The following PLPPR2 variants were observed in gnomAD, a reference collection of about 807,000 sequenced individuals.
The protein encoded by PLPPR2 is phospholipid phosphatase-related protein type 2.
A neutral mutation model predicts 40.3 loss-of-function variants in PLPPR2; 11 were observed. The ratio of observed to expected loss-of-function variants is 0.27; its 90% CI spans 0.17 to 0.45. The LOEUF (loss-of-function observed/expected upper bound fraction) is 0.45. Ranked by LOEUF, PLPPR2 falls within the 20% of genes least tolerant of loss-of-function variation. The pLI, the probability that PLPPR2 is intolerant of heterozygous loss-of-function variation, is 1.00. For synonymous variants in PLPPR2, 260 were observed against 290.8 expected (o/e 0.89, Z 1.08); for missense variants, 497 against 640.7 (o/e 0.78, Z 2.42).
rs750147684 is a variant in PLPPR2 at position 11,364,166 on chromosome 19, C to T, written c.969C>T (p.Pro323=). 10 of 1,611,376 alleles carry T rather than the reference C, an allele frequency of 6.2e-6. No individual in the cohort carries two copies. The highest frequency in any genetic ancestry group is 2.7e-5 in the African/African-American group (2 of 74,862). Residue 323 remains proline (P), a synonymous_variant, in exon 9 of 10, where the codon CCC becomes CCT. Transcript: ENST00000688289. The surrounding 1 kb of genome is among the most constrained non-coding windows in gnomAD (Gnocchi z 5.8). ...PLEKLSVAQE[P]EVCRPHSTPA... Reference sequence around the variant, plus strand: ...CGTCTGTCTCTTTGTCTCAGGAACCCGAGGTCTGCAGGCCGCATTCGACAC... The same window carrying T: ...CGTCTGTCTCTTTGTCTCAGGAACCTGAGGTCTGCAGGCCGCATTCGACAC...
chr19:11,358,807 C>T (rs752674727), intron 3 of PLPPR2, among the ~76,000 whole-genome samples: 14 of 149,344 alleles, frequency 9.4e-5, no homozygotes, highest in Non-Finnish European at 1.5e-4. Context: ...CTCCGCCTCC[C>T]GGGTTCAAGT....
chr19:11,359,447 G>A lies in PLPPR2; in HGVS notation c.67-85G>A, dbSNP rs1413179929. On this transcript the variant is annotated intron_variant, in intron 3 of 9. Transcript: ENST00000688289. This position sits in a 1 kb window ranked among gnomAD's most constrained non-coding sequence, Gnocchi z 5.6. Reference sequence around the variant, plus strand: ...CTCTAACCCATGTTTCTCCATCTCTGTATCTCTGCCTCTGTGGCCTCAGCT... The same window carrying A: ...CTCTAACCCATGTTTCTCCATCTCTATATCTCTGCCTCTGTGGCCTCAGCT... The A allele has an allele frequency of 1.6e-6, 2 of 1,283,052 alleles. No homozygotes were observed. Among genetic ancestry groups the A allele is most frequent in the African/African-American group, 3.0e-5 (2 of 66,122 alleles). 79.5% of individuals were successfully genotyped at this position (1,283,052 alleles called of 1,614,324 possible).
At chr19:11,355,683 G>GGCGGGGGAGGGGAGGC (rs1967843980) in intron 1 of PLPPR2, 111 bp downstream of exon 1, 1 of 152,280 alleles carries the variant, frequency 6.6e-6, no homozygotes, top group African/African-American at 2.4e-5. Flanking sequence ...CGCGGGGAGG[G>GGCGGGGGAGGGGAGGC]GCGGGGGAGG....
Position 11,356,800 on chromosome 19 carries a change from AGAGT to A in PLPPR2, c.-185_-182del. On this transcript the variant is annotated splice_acceptor_variant and 5_prime_UTR_variant, in exon 2 of 10. Transcript: ENST00000688289. LOFTEE classifies it low-confidence loss of function (5UTR_SPLICE). The stretch of plus-strand genomic sequence containing the variant: ...CAACCATCACCCCATATCACACTGC[AGAGT>A]GAGTGTCGTGGTTGGGGTGCTGGAC... The A allele has an allele frequency of 6.5e-6, 1 of 153,056 alleles. No homozygotes were observed. The highest frequency in any genetic ancestry group is 2.1e-4 in the South Asian group (1 of 4,864). The allele number at this position is 153,056 out of a possible 1,614,324, so 9.5% of individuals were successfully genotyped here.
At chr19:11,356,623 G>A (rs574584489) in intron 1 of PLPPR2, among the ~76,000 whole-genome samples, 179 bp from the exon 2 acceptor site, 2 of 151,540 alleles carry the variant, frequency 1.3e-5, no homozygotes, top group South Asian at 2.1e-4. Flanking sequence ...GTCGGCAGGT[G>A]CTCGGTCTTC....
chr19:11,363,860 C>G lies in PLPPR2; in HGVS notation c.963+25C>G. ...GGTAAGGGGGGCCGGGGGCTGCTCC[C>G]GGCTGGAGAGGGTGGTGGGTGGAGG... On this transcript the variant is annotated intron_variant, in intron 8 of 9. Coordinates refer to ENST00000688289, the MANE Select transcript of PLPPR2 (RefSeq NM_001393892.1). The surrounding 1 kb of genome is among the most constrained non-coding windows in gnomAD (Gnocchi z 4.8). 1 of 1,606,586 alleles carries G rather than the reference C, an allele frequency of 6.2e-7. No individual in the cohort carries two copies. Among genetic ancestry groups the G allele is most frequent in the Non-Finnish European group, 8.5e-7 (1 of 1,175,788 alleles).
rs533905629 is a variant in PLPPR2 at position 11,363,069 on chromosome 19, G to A, written c.840+380G>A. 4.6e-5 allele frequency among the ~76,000 whole-genome samples: 7 copies of A among 152,256 alleles called. No homozygotes were observed. The East Asian group carries it at 9.6e-4, about 21-fold the overall frequency. On this transcript the variant is annotated intron_variant, in intron 7 of 9. Coordinates refer to ENST00000688289, the MANE Select transcript of PLPPR2 (RefSeq NM_001393892.1). The surrounding 1 kb of genome is among the most constrained non-coding windows in gnomAD (Gnocchi z 4.8). ...AGCACTTTGGGAAGCTGAGGCAGGC[G>A]GATCACTTGAGGCCAAGAGTTCGAG...
In PLPPR2 at chr19:11,362,903, C is replaced by T. The variant is rs1179321086; in HGVS notation, c.840+214C>T. ...ATGCAAATTTTAAGAGGGTGCCCAA[C>T]ACTCAGTAATCAAGATTAATATTTT... On this transcript the variant is annotated intron_variant, in intron 7 of 9. Coordinates refer to ENST00000688289, the MANE Select transcript of PLPPR2 (RefSeq NM_001393892.1). The surrounding 1 kb of genome is among the most constrained non-coding windows in gnomAD (Gnocchi z 5.3). Among the ~76,000 whole-genome samples the T allele has an allele frequency of 3.3e-5, 5 of 152,226 alleles. No individual in the cohort carries two copies. The highest frequency in any genetic ancestry group is 5.9e-5 in the Non-Finnish European group (4 of 68,038).
intron 1 of PLPPR2, among the ~76,000 whole-genome samples, chr19:11,356,317 C>T (rs184683890): frequency 1.3e-5 from 2 of 151,940 alleles, no homozygotes; most frequent in African/African-American, 4.8e-5. Flanking sequence ...CCATTGTGTG[C>T]GGTGACTCTT....
In PLPPR2 at chr19:11,364,895, A is replaced by G; in HGVS notation, c.*205A>G. On this transcript the variant is annotated 3_prime_UTR_variant, in exon 10 of 10. Transcript: ENST00000688289. This position sits in a 1 kb window ranked among gnomAD's most constrained non-coding sequence, Gnocchi z 5.8. Reference sequence around the variant, plus strand: ...CGATGGGCACAAATGGAAGGTGCGCACTTGCCCCTACTATTGCCCTTTTAA... The same window carrying G: ...CGATGGGCACAAATGGAAGGTGCGCGCTTGCCCCTACTATTGCCCTTTTAA... 3.2e-6 allele frequency: 2 copies of G among 628,752 alleles called. No homozygotes were observed. The highest frequency in any genetic ancestry group is 2.7e-6 in the Non-Finnish European group (1 of 366,784). 38.9% of individuals were successfully genotyped at this position (628,752 alleles called of 1,614,324 possible).
rs118107242 is a variant in PLPPR2, at chr19:11,362,620, C to T, written c.771C>T (p.Ala257=). Residue 257 remains alanine, a synonymous_variant, in exon 7 of 10, where the codon GCC becomes GCT. Coordinates refer to ENST00000688289, the MANE Select transcript of PLPPR2 (RefSeq NM_001393892.1). This position sits in a 1 kb window ranked among gnomAD's most constrained non-coding sequence, Gnocchi z 5.3. ...PAFLVGVVRV[A]EYRNHWSDVL... is the part of the protein sequence containing the mutation. ...TCCTGGTGGGCGTGGTCCGCGTGGC[C>T]GAGTACCGAAACCACTGGTCGGACG... 4.9e-4 allele frequency: 791 copies of T among 1,613,826 alleles called. 4 individuals carry two copies. In the East Asian group the frequency reaches 0.016, roughly 33 times the overall value.
chr19:11,358,702 C>T (rs1158533609), intron 3 of PLPPR2, among the ~76,000 whole-genome samples: 2 of 145,174 alleles, frequency 1.4e-5, no homozygotes, highest in African/African-American at 2.6e-5. Context: ...TTCTTTCTTT[C>T]CCTCCCTCCC....
intron 2 of PLPPR2, 172 bp from the exon 3 acceptor site, chr19:11,357,488 T>C: frequency 2.1e-6 from 1 of 481,640 alleles, no homozygotes; most frequent in Non-Finnish European, 3.7e-6. Context: ...GGGCAGGACC[T>C]GGATTGCAGA....
chr19:11,363,963 T>G lies in PLPPR2; in HGVS notation c.963+128T>G. 1 of 1,354,294 alleles carries G rather than the reference T, an allele frequency of 7.4e-7. No homozygotes were observed. Among genetic ancestry groups the G allele is most frequent in the Non-Finnish European group, 1.0e-6 (1 of 1,000,680 alleles). 83.9% of individuals were successfully genotyped at this position (1,354,294 alleles called of 1,614,324 possible). ...TGGGGAAGTGGAGGGATCACCCATC[T>G]CTGTGGACATAGGTCCTGGGCGGAC... On this transcript the variant is annotated intron_variant, in intron 8 of 9. Coordinates refer to ENST00000688289, the MANE Select transcript of PLPPR2 (RefSeq NM_001393892.1). The surrounding 1 kb of genome is among the most constrained non-coding windows in gnomAD (Gnocchi z 4.8).
Position 11,359,947 on chromosome 19 carries a change from C to T in PLPPR2, c.382C>T (p.Arg128Cys), listed in dbSNP as rs1215582316. 7 of 1,605,404 alleles carry T rather than the reference C, an allele frequency of 4.4e-6. No individual in the cohort carries two copies. The highest frequency in any genetic ancestry group is 2.2e-5 in the South Asian group (2 of 90,720). Reference protein sequence around the residue: ...RFSPPVRRLVRFLGVYSFGLF... With the variant: ...RFSPPVRRLVCFLGVYSFGLF... ...CAGCCCCCCAGTGCGGAGGCTGGTCCGCTTCCTGGGTGAGAGACATGGCCT... is the reference window on the plus strand; with the variant it reads ...CAGCCCCCCAGTGCGGAGGCTGGTCTGCTTCCTGGGTGAGAGACATGGCCT... The change falls in exon 5 of 10, where the codon CGC becomes TGC. Residue 128 changes from arginine (R) to cysteine (C), a missense_variant. Coordinates refer to ENST00000688289, the MANE Select transcript of PLPPR2 (RefSeq NM_001393892.1). The surrounding 1 kb of genome is among the most constrained non-coding windows in gnomAD (Gnocchi z 5.6).
rs533767007 is a variant in PLPPR2, at chr19:11,361,143, G to C, written c.392-74G>C. On this transcript the variant is annotated intron_variant, in intron 5 of 9. Transcript: ENST00000688289. This position sits in a 1 kb window ranked among gnomAD's most constrained non-coding sequence, Gnocchi z 6.3. ...TTAATGACAGTCACAGGAAAAGGGAGCTAAGAGGCCCAATGGAATCAGTGG... is the reference window on the plus strand; with the variant it reads ...TTAATGACAGTCACAGGAAAAGGGACCTAAGAGGCCCAATGGAATCAGTGG... The C allele has an allele frequency of 2.3e-5, 35 of 1,515,140 alleles. No individual in the cohort carries two copies. Among genetic ancestry groups the C allele is most frequent in the Admixed American group, 1.8e-4 (9 of 51,034 alleles). The allele number at this position is 1,515,140 out of a possible 1,614,324, so 93.9% of individuals were successfully genotyped here.
In PLPPR2 at chr19:11,362,321, C is replaced by A. The variant is rs1225247883; in HGVS notation, c.664-192C>A. ...AGACTCCAAGACCTCAATCCCTGAC[C>A]CCCCCCCCTTTGCCTTTTTGGTCAC... On this transcript the variant is annotated intron_variant, in intron 6 of 9. Coordinates refer to ENST00000688289, the MANE Select transcript of PLPPR2 (RefSeq NM_001393892.1). This position sits in a 1 kb window ranked among gnomAD's most constrained non-coding sequence, Gnocchi z 5.3. The A allele has an allele frequency of 3.7e-6, 2 of 542,472 alleles. No individual in the cohort carries two copies. Among genetic ancestry groups the A allele is most frequent in the Admixed American group, 3.1e-5 (1 of 31,966 alleles). The allele number at this position is 542,472 out of a possible 1,614,324, so 33.6% of individuals were successfully genotyped here.
At chr19:11,357,792 C>A (rs1967931101) in intron 3 of PLPPR2, 53 bp downstream of exon 3, 1 of 1,446,734 alleles carries the variant, frequency 6.9e-7, no homozygotes, top group Non-Finnish European at 9.5e-7. Flanking sequence ...CTGTCTCTGT[C>A]CAACCTCAGT....
chr19:11,362,322 C>G lies in PLPPR2; in HGVS notation c.664-191C>G, dbSNP rs3745689. On this transcript the variant is annotated intron_variant, in intron 6 of 9. Transcript: ENST00000688289. This position sits in a 1 kb window ranked among gnomAD's most constrained non-coding sequence, Gnocchi z 5.3. ...GACTCCAAGACCTCAATCCCTGACC[C>G]CCCCCCCTTTGCCTTTTTGGTCACG... The G allele has an allele frequency of 0.074, 41,232 of 558,570 alleles. 3,259 individuals carry two copies. Among genetic ancestry groups the G allele is most frequent in the East Asian group, 0.2 (6,250 of 31,658 alleles). 34.6% of individuals were successfully genotyped at this position (558,570 alleles called of 1,614,324 possible). A position where few individuals can be genotyped will look rare whatever the true frequency, so the allele number is the denominator to read the frequency against.
Sources: gnomAD v4.1 joint callset for allele counts (sites outside exome capture counted in the v4.1 genomes callset) on GRCh38, gnomAD v4.1.1 for gene constraint, Gnocchi (gnomAD v3.1) non-coding constraint, MANE v1.5 for transcripts, NCBI Gene and HGNC (gene_info 2026-07-23, HGNC 2026-07-21) for gene names.